The following SPTLC1 variants were observed in gnomAD, a reference collection of about 807,000 sequenced individuals.
SPTLC1 encodes the protein serine palmitoyltransferase long chain base subunit 1, also known as serine palmitoyltransferase 1.
Under a neutral mutation model 68.9 loss-of-function variants are expected in SPTLC1, and 55 were observed. The ratio of observed to expected loss-of-function variants is 0.80; its 90% CI spans 0.64 to 1.00. The LOEUF (loss-of-function observed/expected upper bound fraction) is 1.00, where lower values mean the gene tolerates loss of function less well. Among genes scored for constraint, SPTLC1 ranks in the 50% least tolerant of loss-of-function variants. The probability of loss-of-function intolerance (pLI) is 0.00; values close to 1 mark genes in which losing one functional copy is unlikely to be tolerated. For synonymous variants in SPTLC1, 197 were observed against 201.6 expected, an observed-to-expected ratio of 0.98 and a Z score of 0.19; for missense variants, 449 against 573.1, an observed-to-expected ratio of 0.78 and a Z score of 2.21.
intron 5 of SPTLC1, among the ~76,000 whole-genome samples, chr9:92,071,659 C>CAAA (rs1834496773): frequency 6.6e-6 from 1 of 152,124 alleles, no homozygotes; most frequent in Non-Finnish European, 1.5e-5. Context: ...ATTTTATGAC[C>CAAA]AAATTGTAAG....
At chr9:92,034,626 G>A (rs1046956885) in intron 14 of SPTLC1, among the ~76,000 whole-genome samples, 184 bp downstream of exon 14, 7 of 152,190 alleles carry the variant, frequency 4.6e-5, no homozygotes, top group African/African-American at 1.7e-4. Flanking sequence ...GTCCTTGGGA[G>A]CTTTTCAGTT....
At chr9:92,065,906 T>C (rs1243649709) in intron 6 of SPTLC1, among the ~76,000 whole-genome samples, 2 of 152,324 alleles carry the variant, frequency 1.3e-5, no homozygotes, top group Non-Finnish European at 2.9e-5. Context: ...GTCAGCTCTG[T>C]AGTAATTATG....
intron 5 of SPTLC1, among the ~76,000 whole-genome samples, chr9:92,069,092 G>A (rs1834389689): frequency 1.3e-5 from 2 of 152,172 alleles, no homozygotes; most frequent in Non-Finnish European, 2.9e-5. Flanking sequence ...AGAGGCCACA[G>A]AGTTGGATTT....
chr9:92,070,124 T>C, intron 5 of SPTLC1: 1 of 152,230 alleles, frequency 6.6e-6, no homozygotes, highest in East Asian at 1.9e-4. Context: ...AATGACTTAC[T>C]GGTTCTAGCA....
At chr9:92,062,909 T>C (rs759826767) in intron 6 of SPTLC1, among the ~76,000 whole-genome samples, 1 of 152,160 alleles carries the variant, frequency 6.6e-6, no homozygotes, top group Admixed American at 6.5e-5. Flanking sequence ...TTGCACTAAA[T>C]GAACATTCAA....
At position 92,059,160 on chromosome 9, in the gene SPTLC1, T is replaced by C. The variant is rs1464060111; in HGVS notation, c.690+19A>G. ...GAAAGTACAAAAGAACTGTATAATT[T>C]TCTTCAAAAGAATCATACCTTTTGA... On this transcript the variant is annotated intron_variant, in intron 7 of 14. Transcript: ENST00000262554. 6.2e-7 allele frequency: 1 copy of C among 1,611,112 alleles called. No individual in the cohort carries two copies. Among genetic ancestry groups the C allele is most frequent in the Non-Finnish European group, 8.5e-7 (1 of 1,178,766 alleles).
chr9:92,038,182 TA>T (rs1833208999), intron 13 of SPTLC1, 65 bp downstream of exon 13: 11 of 1,092,740 alleles, frequency 1.0e-5, no homozygotes, highest in Non-Finnish European at 9.9e-6. Context: ...AATTTAACAT[TA>T]AAAAATTGCT....
chr9:92,047,478 A>T, intron 10 of SPTLC1, 135 bp downstream of exon 10: 1 of 753,318 alleles, frequency 1.3e-6, no homozygotes, highest in Non-Finnish European at 2.3e-6. Flanking sequence ...ATTTTGAGTG[A>T]TTCTTTAAAA....
intron 7 of SPTLC1, among the ~76,000 whole-genome samples, chr9:92,057,180 A>C (rs1211376819): frequency 3.3e-5 from 5 of 152,158 alleles, no homozygotes; most frequent in African/African-American, 1.2e-4. Flanking sequence ...AGCATTTCTA[A>C]ATTATTTCGG....
rs537499002 is a variant in SPTLC1 at position 92,050,161 on chromosome 9, G to A, written c.781-94C>T. The A allele has an allele frequency of 3.6e-4, 293 of 807,866 alleles. 1 individual carries two copies. In the African/African-American group the frequency reaches 4.6e-3, roughly 13 times the overall value. 50.0% of individuals were successfully genotyped at this position (807,866 alleles called of 1,614,324 possible). A position where few individuals can be genotyped will look rare whatever the true frequency, so the allele number is the denominator to read the frequency against. On this transcript the variant is annotated intron_variant, in intron 8 of 14. Transcript: ENST00000262554. Reference sequence around the variant, plus strand: ...TTAAGATTAAAAAGTATGTACAGCTGACTCTCAATACTTGTGAATTCTATA... The same window carrying A: ...TTAAGATTAAAAAGTATGTACAGCTAACTCTCAATACTTGTGAATTCTATA...
intron 1 of SPTLC1, among the ~76,000 whole-genome samples, chr9:92,114,008 T>G (rs1836337776): frequency 6.6e-6 from 1 of 152,130 alleles, no homozygotes; most frequent in South Asian, 2.1e-4. Context: ...GTGTGGTAGC[T>G]CATGCCTGTA....
chr9:92,078,308 T>C (rs542768543), intron 5 of SPTLC1, among the ~76,000 whole-genome samples: 1 of 152,326 alleles, frequency 6.6e-6, no homozygotes, highest in South Asian at 2.1e-4. Flanking sequence ...TTTCTAGTTT[T>C]CTAATACCTG....
At chr9:92,085,759 C>G (rs1242605122) in intron 3 of SPTLC1, among the ~76,000 whole-genome samples, 2 of 151,966 alleles carry the variant, frequency 1.3e-5, no homozygotes, top group Non-Finnish European at 2.9e-5. Context: ...CTGTTAGGTC[C>G]CCTTGGTGCA....
chr9:92,041,611 A>G (rs1833351522), intron 12 of SPTLC1, among the ~76,000 whole-genome samples: 2 of 152,342 alleles, frequency 1.3e-5, no homozygotes, highest in African/African-American at 2.4e-5. Flanking sequence ...GAAAGAGTGG[A>G]AAATAGCCAA....
intron 7 of SPTLC1, among the ~76,000 whole-genome samples, chr9:92,058,690 T>G (rs1180019774): frequency 6.6e-6 from 1 of 152,202 alleles, no homozygotes; most frequent in African/African-American, 2.4e-5. Context: ...AGGCAGTAGC[T>G]GCTCAGAGCA....
chr9:92,040,739 C>G (rs1182309108), intron 12 of SPTLC1, among the ~76,000 whole-genome samples: 2 of 141,482 alleles, frequency 1.4e-5, no homozygotes, highest in Non-Finnish European at 3.0e-5. Flanking sequence ...GCCTGAGTGA[C>G]AGAGCAAGAC....
At chr9:92,035,026 A>G in intron 13 of SPTLC1, 143 bp from the exon 14 acceptor site, 1 of 764,290 alleles carries the variant, frequency 1.3e-6, no homozygotes. Flanking sequence ...AAAATACTAC[A>G]CCACCACCTT....
chr9:92,043,748 C>T (rs573195122), intron 12 of SPTLC1, among the ~76,000 whole-genome samples: 59 of 152,330 alleles, frequency 3.9e-4, no homozygotes, highest in South Asian at 1.2e-3. Context: ...GGTCTCCCTG[C>T]TTCTGTTCTT....
Position 92,075,476 on chromosome 9 carries a change from G to A in SPTLC1, c.427+4540C>T, listed in dbSNP as rs563401944. The stretch of plus-strand genomic sequence containing the variant: ...GGCAACCCCTACTCAAGCGCTTCCC[G>A]ACTCCTCCCAACCCTCCTTCCTCTC... On this transcript the variant is annotated intron_variant, in intron 5 of 14. Transcript: ENST00000262554. Among the ~76,000 whole-genome samples, 49 of 152,176 alleles carry A rather than the reference G, an allele frequency of 3.2e-4. No individual in the cohort carries two copies. The South Asian group carries it at 9.1e-3, about 28-fold the overall frequency.
Sources: gnomAD v4.1 joint callset for allele counts (sites outside exome capture counted in the v4.1 genomes callset) on GRCh38, gnomAD v4.1.1 for gene constraint, MANE v1.5 for transcripts, NCBI Gene and HGNC (gene_info 2026-07-23, HGNC 2026-07-21) for gene names.